Variants in CTBP2 observed in about 807,000 individuals in gnomAD.
CTBP2 encodes C-terminal-binding protein 2.
A neutral mutation model predicts 80.3 loss-of-function variants in CTBP2; 30 were observed. The ratio of observed to expected loss-of-function variants is 0.37; its 90% CI spans 0.28 to 0.51. CTBP2 has a LOEUF of 0.51. Ranked by LOEUF, CTBP2 falls within the 20% of genes least tolerant of loss-of-function variation. The probability of loss-of-function intolerance (pLI) is 0.93; values close to 1 mark genes in which losing one functional copy is unlikely to be tolerated. For synonymous variants in CTBP2, 594 were observed against 587.4 expected, an observed-to-expected ratio of 1.01 and a Z score of -0.16; for missense variants, 1,212 against 1,375.3, an observed-to-expected ratio of 0.88 and a Z score of 1.88.
At chr10:125,129,059 G>GTACA (rs758830400) in intron 1 of CTBP2, among the ~76,000 whole-genome samples, 15 of 152,116 alleles carry the variant, frequency 9.9e-5, no homozygotes, top group Non-Finnish European at 1.5e-5. Flanking sequence ...ATGCAAAAAG[G>GTACA]TACATGTGTC....
chr10:124,985,228 G>T lies in CTBP2; in HGVS notation c.*4290C>A, dbSNP rs922504582. 6 of 428,900 alleles carry T rather than the reference G, an allele frequency of 1.4e-5. No individual in the cohort carries two copies. Among genetic ancestry groups the T allele is most frequent in the African/African-American group, 1.0e-4 (5 of 49,896 alleles). 26.6% of individuals were successfully genotyped at this position (428,900 alleles called of 1,614,324 possible). On this transcript the variant is annotated 3_prime_UTR_variant, in exon 9 of 9. Coordinates refer to ENST00000309035, the MANE Select transcript of CTBP2 (RefSeq NM_022802.3). ...AAAAAAAACTAATTTTATTAAGACA[G>T]AACTTTTTTTCCTTCCAAATTGTAA...
intron 1 of CTBP2, 120 bp from the exon 4 acceptor site, chr10:125,003,612 G>A (rs1954837632): frequency 1.3e-6 from 1 of 750,364 alleles, no homozygotes; most frequent in Non-Finnish European, 2.0e-6. Context: ...TGGCGGAGCA[G>A]CGAGGGCACC....
At chr10:125,024,743 T>C (rs1012782186) in intron 1 of CTBP2, among the ~76,000 whole-genome samples, 7 of 152,162 alleles carry the variant, frequency 4.6e-5, no homozygotes, top group Non-Finnish European at 8.8e-5. Context: ...TGCAAATCAG[T>C]TGGTTGCAAA....
intron 1 of CTBP2, among the ~76,000 whole-genome samples, chr10:125,117,377 A>G (rs1853517622): frequency 6.6e-6 from 1 of 152,154 alleles, no homozygotes; most frequent in African/African-American, 2.4e-5. Flanking sequence ...CGAGCACCAC[A>G]CAGTGGGGTA....
chr10:125,121,562 G>A (rs1405629989), intron 1 of CTBP2, among the ~76,000 whole-genome samples: 1 of 152,080 alleles, frequency 6.6e-6, no homozygotes, highest in African/African-American at 2.4e-5. Context: ...CCATTTCAAG[G>A]CTATGTATAT....
chr10:125,046,768 G>A (rs1307111708), intron 2 of CTBP2, among the ~76,000 whole-genome samples: 1 of 152,174 alleles, frequency 6.6e-6, no homozygotes, highest in Non-Finnish European at 1.5e-5. Context: ...ATGAGGCTCT[G>A]GGCTGCCACA....
intron 2 of CTBP2, among the ~76,000 whole-genome samples, chr10:125,052,781 C>T (rs1033104257): frequency 3.9e-5 from 6 of 152,332 alleles, no homozygotes; most frequent in Middle Eastern, 3.4e-3. Context: ...GGCGGCAGCC[C>T]CAACACATTC....
chr10:125,142,778 T>C (rs1418500307), intron 1 of CTBP2, among the ~76,000 whole-genome samples: 1 of 152,152 alleles, frequency 6.6e-6, no homozygotes, highest in Non-Finnish European at 1.5e-5. Context: ...CCAGGCTTCC[T>C]TGAAATCAGC....
chr10:125,024,125 C>T (rs35728204), intron 1 of CTBP2, among the ~76,000 whole-genome samples: 10,193 of 152,296 alleles, frequency 0.067, 448 homozygotes, highest in South Asian at 0.18. Context: ...CTGCTGGCTC[C>T]GACAGATCCA....
chr10:125,033,235 C>A (rs1476921815), intron 3 of CTBP2, among the ~76,000 whole-genome samples: 1 of 152,146 alleles, frequency 6.6e-6, no homozygotes, highest in Non-Finnish European at 1.5e-5. Flanking sequence ...CGCTGGACAC[C>A]CAGAATGCTC....
rs1952132771 is a variant in CTBP2 at position 124,988,295 on chromosome 10, A to G, written c.*1223T>C. 6.5e-6 allele frequency: 1 copy of G among 152,702 alleles called. No homozygotes were observed. The highest frequency in any genetic ancestry group is 6.5e-5 in the Admixed American group (1 of 15,290). 9.5% of individuals were successfully genotyped at this position (152,702 alleles called of 1,614,324 possible). ...GCCTTAAACATCTCAAGTAGAGAAC[A>G]TTTACATTAGTGAGATGTACTTGAA... On this transcript the variant is annotated 3_prime_UTR_variant, in exon 9 of 9. Transcript: ENST00000309035.
chr10:125,028,274 C>A (rs1267259589), upstream of CTBP2, among the ~76,000 whole-genome samples: 1 of 152,170 alleles, frequency 6.6e-6, no homozygotes, highest in African/African-American at 2.4e-5. Flanking sequence ...TAGGATGAAC[C>A]CTGCCTCCCC....
chr10:125,113,152 A>G (rs1210754579), intron 1 of CTBP2, among the ~76,000 whole-genome samples: 2 of 152,246 alleles, frequency 1.3e-5, no homozygotes, highest in East Asian at 3.8e-4. Flanking sequence ...GGAGACAGAC[A>G]TTCCAGCCTC....
chr10:125,114,763 G>T (rs1852923724), intron 1 of CTBP2, among the ~76,000 whole-genome samples: 1 of 152,026 alleles, frequency 6.6e-6, no homozygotes, highest in African/African-American at 2.4e-5. Context: ...AACAGCTTCT[G>T]TACTCTGCAT....
chr10:125,039,762 C>T (rs1300584163), intron 2 of CTBP2, among the ~76,000 whole-genome samples: 11 of 152,226 alleles, frequency 7.2e-5, no homozygotes, highest in Non-Finnish European at 8.8e-5. Context: ...CTGAACCTTC[C>T]TTGCAGCTGG....
At chr10:124,994,048 G>C in intron 5 of CTBP2, 63 bp from the exon 8 acceptor site, 1 of 1,592,184 alleles carries the variant, frequency 6.3e-7, no homozygotes, top group Admixed American at 1.8e-5. Flanking sequence ...CTTGTACCAA[G>C]GTTTAAAGAA....
intron 1 of CTBP2, among the ~76,000 whole-genome samples, chr10:125,125,927 G>A (rs1278266890): frequency 6.6e-6 from 1 of 152,200 alleles, no homozygotes; most frequent in Non-Finnish European, 1.5e-5. Context: ...TTTGTTCAAG[G>A]GTGATGCTAA....
chr10:125,036,374 G>A (rs1345969233), intron 3 of CTBP2, among the ~76,000 whole-genome samples: 4 of 152,112 alleles, frequency 2.6e-5, no homozygotes, highest in African/African-American at 9.7e-5. Context: ...TGTAGCAGGC[G>A]GGAGGGGACG....
chr10:125,135,727 G>T (rs1220427204), intron 1 of CTBP2, among the ~76,000 whole-genome samples: 1 of 151,998 alleles, frequency 6.6e-6, no homozygotes, highest in Non-Finnish European at 1.5e-5. Flanking sequence ...CTCACCTGCC[G>T]ATGGGAAGCC....
Sources: gnomAD v4.1 joint callset for allele counts (sites outside exome capture counted in the v4.1 genomes callset) on GRCh38, gnomAD v4.1.1 for gene constraint, MANE v1.5 for transcripts, NCBI Gene and HGNC (gene_info 2026-07-23, HGNC 2026-07-21) for gene names.